Variants in EBF1 observed in about 807,000 individuals in gnomAD.
The protein encoded by EBF1 is EBF transcription factor 1.
EBF1 carries 10 observed loss-of-function variants against 68.4 expected under a neutral mutation model. That is an observed-to-expected ratio of 0.15 (90% CI 0.09 to 0.25). The LOEUF is 0.25. Ranked by LOEUF, EBF1 falls within the 10% of genes least tolerant of loss-of-function variation. EBF1 has a pLI of 1.00. For missense variants in EBF1, 509 were observed against 794.4 expected (o/e 0.64, Z 4.32); for synonymous variants, 298 against 299.8 (o/e 0.99, Z 0.06).
At chr5:158,760,326 A>G (rs1254416218) in intron 10 of EBF1, among the ~76,000 whole-genome samples, 1 of 152,188 alleles carries the variant, frequency 6.6e-6, no homozygotes, top group African/African-American at 2.4e-5. Flanking sequence ...ATTGTTTTCA[A>G]TTTAGTGACT....
At chr5:158,832,028 T>C (rs181577138) in intron 7 of EBF1, among the ~76,000 whole-genome samples, 1 of 152,312 alleles carries the variant, frequency 6.6e-6, no homozygotes, top group African/African-American at 2.4e-5. Flanking sequence ...TTGTCTGACA[T>C]ATAACTAGAG....
At chr5:158,771,810 C>T (rs1170617817) in intron 10 of EBF1, among the ~76,000 whole-genome samples, 1 of 152,142 alleles carries the variant, frequency 6.6e-6, no homozygotes, top group Non-Finnish European at 1.5e-5. Flanking sequence ...AATGAAGAGA[C>T]TGGAGTCCAG....
At chr5:158,835,680 T>C (rs1439074544) in intron 7 of EBF1, among the ~76,000 whole-genome samples, 1 of 152,196 alleles carries the variant, frequency 6.6e-6, no homozygotes, top group African/African-American at 2.4e-5. Context: ...GGACAATTTT[T>C]TTTTGTTGTT....
chr5:158,821,818 T>C (rs1242592619), intron 8 of EBF1, among the ~76,000 whole-genome samples: 1 of 152,212 alleles, frequency 6.6e-6, no homozygotes, highest in African/African-American at 2.4e-5. Flanking sequence ...TATCCATCCA[T>C]CTCAGCACTA....
chr5:159,090,820 TA>T (rs1781495237), intron 4 of EBF1, among the ~76,000 whole-genome samples: 1 of 151,788 alleles, frequency 6.6e-6, no homozygotes, highest in South Asian at 2.1e-4. Context: ...ATAATAATAA[TA>T]ATAATAATAA....
rs77789440 is a variant in EBF1 at position 159,010,308 on chromosome 5, C to A, written c.554+63088G>T. ...TAAATAACCTTACCTACAGAGGTTA[C>A]CAAAAGCTCTATGGGCAAATGCAAA... On this transcript the variant is annotated intron_variant, in intron 6 of 15. Transcript: ENST00000313708. Among the ~76,000 whole-genome samples, 961 of 152,300 alleles carry A rather than the reference C, an allele frequency of 6.3e-3. 7 individuals are homozygous for A. The highest frequency in any genetic ancestry group is 0.021 in the African/African-American group (893 of 41,562).
At chr5:158,902,057 C>G (rs1803493445) in intron 6 of EBF1, among the ~76,000 whole-genome samples, 1 of 152,186 alleles carries the variant, frequency 6.6e-6, no homozygotes, top group Non-Finnish European at 1.5e-5. Context: ...CAACACTGCA[C>G]TCCAGCCTGG....
intron 6 of EBF1, among the ~76,000 whole-genome samples, chr5:159,069,235 A>G (rs971053365): frequency 6.6e-6 from 1 of 151,808 alleles, no homozygotes; most frequent in South Asian, 2.1e-4. Context: ...TCCACTTGTT[A>G]ACAGATAAGG....
At chr5:159,038,666 G>A (rs140182097) in intron 6 of EBF1, among the ~76,000 whole-genome samples, 1,599 of 152,318 alleles carry the variant, frequency 0.01, 11 homozygotes, top group Non-Finnish European at 0.018. Flanking sequence ...CCTTGGTGTA[G>A]TGCTGATCAC....
chr5:159,044,125 AATG>A (rs1771826540), intron 6 of EBF1, among the ~76,000 whole-genome samples: 1 of 152,198 alleles, frequency 6.6e-6, no homozygotes. Context: ...TATATCTAAA[AATG>A]ATGTTCTGTG....
intron 5 of EBF1, among the ~76,000 whole-genome samples, chr5:159,082,102 T>G (rs1229700334): frequency 6.6e-6 from 1 of 152,188 alleles, no homozygotes; most frequent in Non-Finnish European, 1.5e-5. Context: ...TGCAACCACC[T>G]GAGACACAAT....
intron 6 of EBF1, among the ~76,000 whole-genome samples, chr5:158,893,389 G>T (rs941381141): frequency 6.6e-6 from 1 of 152,094 alleles, no homozygotes; most frequent in African/African-American, 2.4e-5. Flanking sequence ...TCTGTATTGT[G>T]CATTTTCAAT....
intron 6 of EBF1, among the ~76,000 whole-genome samples, chr5:159,008,153 G>A (rs1285755236): frequency 6.6e-6 from 1 of 151,948 alleles, no homozygotes; most frequent in Non-Finnish European, 1.5e-5. Flanking sequence ...GAAACAAGTG[G>A]TACCAAAAAA....
chr5:159,032,086 A>G (rs894568663), intron 6 of EBF1, among the ~76,000 whole-genome samples: 2 of 152,266 alleles, frequency 1.3e-5, no homozygotes, highest in African/African-American at 4.8e-5. Flanking sequence ...CACCAAGAAG[A>G]GTCTCAAAAT....
chr5:158,697,512 A>G lies in EBF1; in HGVS notation c.*1599T>C, dbSNP rs1471846436. The G allele has an allele frequency of 4.8e-6, 1 of 209,520 alleles. No individual in the cohort carries two copies. Among genetic ancestry groups the G allele is most frequent in the Non-Finnish European group, 9.7e-6 (1 of 103,046 alleles). 13.0% of individuals were successfully genotyped at this position (209,520 alleles called of 1,614,324 possible). A position where few individuals can be genotyped will look rare whatever the true frequency, so the allele number is the denominator to read the frequency against. ...CACAATAAAATAAATTGGGGGTGGA[A>G]GGAAGAGGAAGAAGGGAAAAGCAAT... On this transcript the variant is annotated 3_prime_UTR_variant, in exon 16 of 16. Coordinates refer to ENST00000313708, the MANE Select transcript of EBF1 (RefSeq NM_024007.5).
chr5:158,983,718 G>C (rs1758367518), intron 6 of EBF1: 1 of 152,190 alleles, frequency 6.6e-6, no homozygotes, highest in Non-Finnish European at 1.5e-5. Context: ...TTTGGAAAAT[G>C]AATGCTACCA....
chr5:158,742,061 G>A (rs1430469857), intron 10 of EBF1, among the ~76,000 whole-genome samples: 2 of 152,148 alleles, frequency 1.3e-5, no homozygotes, highest in East Asian at 3.9e-4. Context: ...AGTCTGCCTC[G>A]AGAGCCCTAC....
intron 10 of EBF1, among the ~76,000 whole-genome samples, chr5:158,761,251 C>T (rs1771377895): frequency 6.6e-6 from 1 of 152,212 alleles, no homozygotes; most frequent in African/African-American, 2.4e-5. Flanking sequence ...GCTTCTATAG[C>T]TGTCTCCTGC....
chr5:159,073,524 G>A, intron 5 of EBF1, 60 bp from the exon 6 acceptor site: 1 of 1,586,008 alleles, frequency 6.3e-7, no homozygotes, highest in Non-Finnish European at 8.6e-7. Context: ...CATCATTTAG[G>A]CAGACAGAAG....
Sources: allele counts gnomAD v4.1 joint callset (sites outside exome capture counted in the v4.1 genomes callset), GRCh38; gene constraint gnomAD v4.1.1; transcripts MANE v1.5; gene names NCBI Gene and HGNC (gene_info 2026-07-23, HGNC 2026-07-21).